RAB44: variants seen among roughly 807,000 people sequenced by gnomAD.
RAB44 encodes the protein ras-related protein Rab-44.
Under a neutral mutation model 93.3 loss-of-function variants are expected in RAB44, and 67 were observed. That is an observed-to-expected ratio of 0.72 (90% CI 0.59 to 0.88). The LOEUF (loss-of-function observed/expected upper bound fraction) is 0.88. Ranked by LOEUF, RAB44 falls within the 40% of genes least tolerant of loss-of-function variation. The pLI is 0.00. For missense variants in RAB44, 1,064 were observed against 1,261.7 expected (o/e 0.84, Z 2.37); for synonymous variants, 427 against 520.3 (o/e 0.82, Z 2.44).
intron 2 of RAB44, among the ~76,000 whole-genome samples, chr6:36,712,482 A>G (rs797008844): frequency 3.9e-5 from 6 of 152,234 alleles, no homozygotes; most frequent in African/African-American, 1.4e-4. Context: ...CCCCTGCTTC[A>G]GCCTCCTGAG....
In RAB44 at chr6:36,732,059, A is replaced by G; in HGVS notation, c.3032A>G (p.Lys1011Arg). ...GACTCGCTGGTGAAGGTGGCCCCCAAGAGGCCGCCCAAGAGATTCGGCTGT... is the reference window on the plus strand; with the variant it reads ...GACTCGCTGGTGAAGGTGGCCCCCAGGAGGCCGCCCAAGAGATTCGGCTGT... ...LKDSLVKVAPKRPPKRFGCCS is the reference protein window; with the variant it reads ...LKDSLVKVAPRRPPKRFGCCS The change falls in exon 14 of 14, where the codon AAG (lysine) becomes AGG (arginine). Residue 1011 changes from lysine to arginine, a missense_variant. Lys to Arg is a conservative substitution (Grantham distance 26). Transcript: ENST00000612677. The G allele has an allele frequency of 1.6e-6, 2 of 1,234,440 alleles. No homozygotes were observed. The highest frequency in any genetic ancestry group is 2.0e-6 in the Non-Finnish European group (2 of 988,222). The allele number at this position is 1,234,440 out of a possible 1,614,324, so 76.5% of individuals were successfully genotyped here. A position where few individuals can be genotyped will look rare whatever the true frequency, so the allele number is the denominator to read the frequency against.
chr6:36,728,621 G>T, intron 11 of RAB44, 79 bp from the exon 12 acceptor site: 1 of 1,172,084 alleles, frequency 8.5e-7, no homozygotes, highest in Non-Finnish European at 1.2e-6. Flanking sequence ...GGGGGACACA[G>T]TTCAGCTTCT....
chr6:36,701,571 C>T (rs1313277044), intron 1 of RAB44, among the ~76,000 whole-genome samples: 2 of 152,190 alleles, frequency 1.3e-5, no homozygotes, highest in Admixed American at 6.5e-5. Flanking sequence ...CCCTGGAGCT[C>T]ACTGCTAAGC....
chr6:36,716,035 T>G (rs529816324), intron 4 of RAB44, among the ~76,000 whole-genome samples: 1 of 152,292 alleles, frequency 6.6e-6, no homozygotes, highest in South Asian at 2.1e-4. Context: ...GCAGGTGCCT[T>G]TCTTCACTCA....
chr6:36,722,132 C>T lies in RAB44; in HGVS notation c.1998C>T (p.Pro666=), dbSNP rs1323466997. The T allele has an allele frequency of 8.1e-7, 1 of 1,236,416 alleles. No individual in the cohort carries two copies. The highest frequency in any genetic ancestry group is 1.0e-6 in the Non-Finnish European group (1 of 989,774). 76.6% of individuals were successfully genotyped at this position (1,236,416 alleles called of 1,614,324 possible). Residue 666 remains proline, a synonymous_variant, in exon 9 of 14, where the codon CCC becomes CCT. Transcript: ENST00000612677. ...VLGLGELSAF[P]HQELEEEPRS... is the part of the protein sequence containing the mutation. ...GGCTGGGTGAGCTGTCTGCCTTCCC[C>T]CACCAGGAGCTGGAAGAGGAACCCA...
intron 2 of RAB44, among the ~76,000 whole-genome samples, chr6:36,709,432 T>C (rs1762728263): frequency 6.6e-6 from 1 of 152,222 alleles, no homozygotes. Flanking sequence ...TTTTTCATGT[T>C]GTAGAATAAC....
intron 1 of RAB44, among the ~76,000 whole-genome samples, chr6:36,703,633 G>A (rs1224299293): frequency 1.3e-5 from 2 of 152,052 alleles, no homozygotes; most frequent in African/African-American, 2.4e-5. Flanking sequence ...CCTAAGAGCC[G>A]CATAGGGGTG....
Position 36,721,338 on chromosome 6 carries a change from C to A in RAB44, c.1204C>A (p.Gln402Lys), listed in dbSNP as rs1763073672. ...PPTPRATSGPQTPRVVRQISI... is the reference protein window; with the variant it reads ...PPTPRATSGPKTPRVVRQISI... ...GACCCCAAGAGCCACCTCAGGCCCC[C>A]AGACACCCCGTGTGGTCAGGCAGAT... The change falls in exon 9 of 14, where the codon CAG (glutamine) becomes AAG (lysine). Residue 402 changes from glutamine (Q) to lysine (K), a missense_variant. Physicochemically the swap from Gln to Lys is moderately conservative, Grantham distance 53 (BLOSUM62 1). Coordinates refer to ENST00000612677, the MANE Select transcript of RAB44 (RefSeq NM_001257357.2). The A allele has an allele frequency of 4.1e-6, 5 of 1,234,292 alleles. No individual in the cohort carries two copies. Among genetic ancestry groups the A allele is most frequent in the Non-Finnish European group, 5.1e-6 (5 of 988,166 alleles). The allele number at this position is 1,234,292 out of a possible 1,614,324, so 76.5% of individuals were successfully genotyped here.
At chr6:36,706,493 C>T (rs77917312) in intron 2 of RAB44, among the ~76,000 whole-genome samples, 12 of 152,180 alleles carry the variant, frequency 7.9e-5, no homozygotes, top group Non-Finnish European at 1.6e-4. Flanking sequence ...CAATCCCTGT[C>T]GTTCCAGGCC....
chr6:36,704,262 A>G lies in RAB44; in HGVS notation c.27A>G (p.Arg9=). Reference sequence around the variant, plus strand: ...TGGAGACTGGACAGAGAACATCTCGAAAAGTCCGGAAGCTGGGCTCCAACC... The same window carrying G: ...TGGAGACTGGACAGAGAACATCTCGGAAAGTCCGGAAGCTGGGCTCCAACC... METGQRTS[R]KVRKLGSNRR... Residue 9 remains arginine (R), a synonymous_variant, in exon 2 of 14, where the codon CGA becomes CGG. Coordinates refer to ENST00000612677, the MANE Select transcript of RAB44 (RefSeq NM_001257357.2). 1 of 1,536,128 alleles carries G rather than the reference A, an allele frequency of 6.5e-7. No individual in the cohort carries two copies. The highest frequency in any genetic ancestry group is 1.2e-5 in the South Asian group (1 of 84,062).
intron 3 of RAB44, among the ~76,000 whole-genome samples, chr6:36,714,709 G>A (rs528952830): frequency 3.3e-5 from 5 of 152,364 alleles, no homozygotes; most frequent in African/African-American, 9.6e-5. Context: ...TGCTGTCCAC[G>A]CAGCCTTGGG....
rs1268616985 is a variant in RAB44 at position 36,732,395 on chromosome 6, G to A, written c.*302G>A. 2 of 204,704 alleles carry A rather than the reference G, an allele frequency of 9.8e-6. No homozygotes were observed. Among genetic ancestry groups the A allele is most frequent in the South Asian group, 2.0e-4 (1 of 4,966 alleles). The allele number at this position is 204,704 out of a possible 1,614,324, so 12.7% of individuals were successfully genotyped here. The stretch of plus-strand genomic sequence containing the variant: ...ACCAAAATATTGGCCGCACATCTGT[G>A]GGTGTAAAATTTTAGGGAGAATGTG... On this transcript the variant is annotated 3_prime_UTR_variant, in exon 14 of 14. Transcript: ENST00000612677.
chr6:36,716,886 T>G (rs938646955), intron 4 of RAB44, among the ~76,000 whole-genome samples: 8 of 152,160 alleles, frequency 5.3e-5, no homozygotes, highest in Non-Finnish European at 7.3e-5. Flanking sequence ...TGACCTTGCT[T>G]GGCAGGTATC....
intron 1 of RAB44, among the ~76,000 whole-genome samples, chr6:36,698,229 G>A (rs1762428599): frequency 6.6e-6 from 1 of 152,146 alleles, no homozygotes; most frequent in Admixed American, 6.5e-5. Flanking sequence ...GACACTAGGT[G>A]GTCTCTCAGG....
At chr6:36,728,274 C>A (rs932170083) in intron 11 of RAB44, among the ~76,000 whole-genome samples, 1 of 152,194 alleles carries the variant, frequency 6.6e-6, no homozygotes, top group African/African-American at 2.4e-5. Context: ...CTCTGAACTT[C>A]AATTTCTGGA....
chr6:36,719,252 A>G (rs573398022), intron 7 of RAB44, among the ~76,000 whole-genome samples: 1 of 152,298 alleles, frequency 6.6e-6, no homozygotes, highest in East Asian at 1.9e-4. Context: ...GCCCGGGACA[A>G]GATTCCTCGA....
chr6:36,703,118 G>A (rs1381026988), intron 1 of RAB44, among the ~76,000 whole-genome samples: 2 of 152,330 alleles, frequency 1.3e-5, no homozygotes, highest in East Asian at 3.9e-4. Context: ...GTAGAATCTG[G>A]CGTGGGCCTT....
intron 6 of RAB44, 30 bp from the exon 7 acceptor site, chr6:36,718,463 G>A (rs1247347168): frequency 8.9e-7 from 1 of 1,129,564 alleles, no homozygotes; most frequent in Non-Finnish European, 1.1e-6. Context: ...AGAGTCTGCA[G>A]GGTGAGGGCT....
intron 1 of RAB44, 148 bp from the exon 2 acceptor site, chr6:36,704,076 C>G: frequency 2.9e-6 from 2 of 695,164 alleles, no homozygotes; most frequent in Non-Finnish European, 4.8e-6. Context: ...GCGACGAGGT[C>G]AGAGGACCCG....
Sources: allele counts gnomAD v4.1 joint callset (sites outside exome capture counted in the v4.1 genomes callset), GRCh38; gene constraint gnomAD v4.1.1; transcripts MANE v1.5; gene names NCBI Gene and HGNC (gene_info 2026-07-23, HGNC 2026-07-21).